TRPV1: variants seen among roughly 807,000 people sequenced by gnomAD.
TRPV1 encodes transient receptor potential cation channel subfamily V member 1.
Under a neutral mutation model 82.3 loss-of-function variants are expected in TRPV1, and 82 were observed. The observed-to-expected ratio is 1.00, with a 90% CI of 0.83 to 1.20. The LOEUF (loss-of-function observed/expected upper bound fraction) is 1.20. Ranked by LOEUF, TRPV1 falls within the 50% of genes most tolerant of loss-of-function variation. TRPV1 has a pLI of 0.00. For synonymous variants in TRPV1, 515 were observed against 467.7 expected (o/e 1.10, Z -1.30); for missense variants, 1,067 against 1,096.8 (o/e 0.97, Z 0.38).
rs2074771597 is a variant in TRPV1 at position 3,566,901 on chromosome 17, C to CCTCGGGCTGAGCAGACTGCCTAT, written c.2411_2433dup (p.Glu812IlefsTer19). The CCTCGGGCTGAGCAGACTGCCTAT allele has an allele frequency of 6.2e-7, 1 of 1,613,888 alleles. No homozygotes were observed. Among genetic ancestry groups the CCTCGGGCTGAGCAGACTGCCTAT allele is most frequent in the Admixed American group, 1.7e-5 (1 of 59,992 alleles). ...CCTGAAAACTGTCGCAGATAAACTT[C>CCTCGGGCTGAGCAGACTGCCTAT]CTCGGGCTGAGCAGACTGCCTATCT... On this transcript the variant is annotated frameshift_variant, in exon 17 of 17. Coordinates refer to ENST00000572705, the MANE Select transcript of TRPV1 (RefSeq NM_080704.4). LOFTEE classifies it high-confidence loss of function.
chr17:3,582,358 C>A (rs1031661809), intron 10 of TRPV1, among the ~76,000 whole-genome samples: 3 of 151,752 alleles, frequency 2.0e-5, no homozygotes, highest in Non-Finnish European at 2.9e-5. Context: ...GGTGACACAG[C>A]AAGACCCCAT....
In TRPV1 at chr17:3,592,072, A is replaced by C. The variant is rs2075165497; in HGVS notation, c.279T>G (p.Gly93=). ...GGCTCCAGACGCGGACTTACCTGGC[A>C]CCGGTGGGGCCGTCTCCTGGCCTCT... ...TIQRPGDGPT[G]ARLLSQDSVA... The change falls in exon 3 of 17, where the codon GGT becomes GGG. Residue 93 remains glycine (G), a synonymous_variant. Transcript: ENST00000572705. The C allele has an allele frequency of 1.9e-6, 3 of 1,610,750 alleles. No homozygotes were observed. The East Asian group carries it at 6.7e-5, about 36-fold the overall frequency.
At chr17:3,599,095 T>C (rs1267064244) in intron 2 of TRPV1, among the ~76,000 whole-genome samples, 4 of 151,422 alleles carry the variant, frequency 2.6e-5, no homozygotes, top group Non-Finnish European at 5.9e-5. Context: ...CAGAATTAGC[T>C]GGGCGTGGTT....
intron 2 of TRPV1, among the ~76,000 whole-genome samples, chr17:3,601,414 A>C (rs2075262287): frequency 6.7e-6 from 1 of 148,462 alleles, no homozygotes; most frequent in Non-Finnish European, 1.5e-5. Context: ...CTCCTCTCCC[A>C]CCGAAACCCA....
intron 16 of TRPV1, among the ~76,000 whole-genome samples, chr17:3,569,237 G>A (rs1334340124): frequency 6.6e-6 from 1 of 152,022 alleles, no homozygotes; most frequent in Non-Finnish European, 1.5e-5. Flanking sequence ...TGCACGTTGT[G>A]CACATGTACC....
chr17:3,590,954 C>T lies in TRPV1; in HGVS notation c.604+10G>A, dbSNP rs200862294. 6 of 1,591,546 alleles carry T rather than the reference C, an allele frequency of 3.8e-6. No individual in the cohort carries two copies. The highest frequency in any genetic ancestry group is 5.1e-6 in the Non-Finnish European group (6 of 1,170,146). On this transcript the variant is annotated intron_variant, in intron 5 of 16. Transcript: ENST00000572705. ...GGCTGAGCCATGCCCGGCCCCGCCGCCCTCCTCACCCTTGTAGTAGCTGTC... is the reference window on the plus strand; with the variant it reads ...GGCTGAGCCATGCCCGGCCCCGCCGTCCTCCTCACCCTTGTAGTAGCTGTC...
Position 3,573,551 on chromosome 17 carries a change from C to CCCCCCCCCCCCCCCTG in TRPV1, c.2103+81_2103+82insCAGGGGGGGGGGGGGG. 1.6e-5 allele frequency: 10 copies of CCCCCCCCCCCCCCCTG among 635,234 alleles called. 2 individuals are homozygous for CCCCCCCCCCCCCCCTG. In the South Asian group the frequency reaches 2.4e-4, roughly 15 times the overall value. 39.3% of individuals were successfully genotyped at this position (635,234 alleles called of 1,614,324 possible). On this transcript the variant is annotated intron_variant, in intron 14 of 16. Transcript: ENST00000572705. ...CACACCGCCCCCACCACCCACCCAC[C>CCCCCCCCCCCCCCCTG]TGCAGCCAGCTGTGTAAGACAGCAG...
intron 10 of TRPV1, among the ~76,000 whole-genome samples, chr17:3,580,780 G>A (rs2074998310): frequency 6.6e-6 from 1 of 152,198 alleles, no homozygotes; most frequent in Non-Finnish European, 1.5e-5. Flanking sequence ...ACTTTGGGAG[G>A]CCAAGGCGGG....
At chr17:3,569,977 G>A (rs900547422) in intron 16 of TRPV1, among the ~76,000 whole-genome samples, 7 of 136,616 alleles carry the variant, frequency 5.1e-5, no homozygotes, top group African/African-American at 2.0e-4. Context: ...CAGGGAGGAG[G>A]GGCCAAGCGG....
intron 13 of TRPV1, 118 bp downstream of exon 13, chr17:3,577,008 C>T (rs2074941232): frequency 5.9e-6 from 6 of 1,015,318 alleles, no homozygotes; most frequent in Non-Finnish European, 8.8e-6. Context: ...CCCTCTCAGT[C>T]ACCTGCAGAC....
chr17:3,580,963 G>A (rs2075001892), intron 10 of TRPV1, among the ~76,000 whole-genome samples: 1 of 150,412 alleles, frequency 6.6e-6, no homozygotes, highest in African/African-American at 2.5e-5. Context: ...AGGCTGCAGT[G>A]AGCCAAGATC....
At position 3,586,519 on chromosome 17, in the gene TRPV1, C is replaced by T. The variant is rs138875285; in HGVS notation, c.1225-593G>A. ...GGGTGTAGTGGCTCACGCCTGTAAT[C>T]CCAGCACTCTGGGAGGCCGAGGCAG... On this transcript the variant is annotated intron_variant, in intron 8 of 16. Coordinates refer to ENST00000572705, the MANE Select transcript of TRPV1 (RefSeq NM_080704.4). Among the ~76,000 whole-genome samples, 818 of 152,360 alleles carry T rather than the reference C, an allele frequency of 5.4e-3. 7 individuals carry two copies. The highest frequency in any genetic ancestry group is 0.031 in the South Asian group (149 of 4,828).
chr17:3,581,748 G>A (rs1245329737), intron 10 of TRPV1, among the ~76,000 whole-genome samples: 12 of 146,440 alleles, frequency 8.2e-5, no homozygotes, highest in Non-Finnish European at 1.1e-4. Context: ...AGCCGGGCGC[G>A]GTGGCACGCA....
intron 16 of TRPV1, among the ~76,000 whole-genome samples, chr17:3,569,694 G>A (rs1370997308): frequency 6.6e-6 from 1 of 152,178 alleles, no homozygotes; most frequent in Non-Finnish European, 1.5e-5. Flanking sequence ...AAGTCTTTGG[G>A]GCAGATGAGT....
intron 2 of TRPV1, among the ~76,000 whole-genome samples, chr17:3,597,672 C>CTTTTTTT (rs34662119): frequency 8.5e-6 from 1 of 117,894 alleles, no homozygotes; most frequent in African/African-American, 3.5e-5. Flanking sequence ...GTGTCATTTC[C>CTTTTTTT]TTTTTTTTTT....
chr17:3,599,605 T>C (rs2075246952), intron 2 of TRPV1, among the ~76,000 whole-genome samples: 1 of 151,600 alleles, frequency 6.6e-6, no homozygotes, highest in Non-Finnish European at 1.5e-5. Flanking sequence ...TGTAGTAGCC[T>C]GTAAGAGAAT....
At position 3,571,579 on chromosome 17, in the gene TRPV1, C is replaced by T. The variant is rs774003916; in HGVS notation, c.2292G>A (p.Pro764=). 23 of 1,612,462 alleles carry T rather than the reference C, an allele frequency of 1.4e-5. No individual in the cohort carries two copies. The highest frequency in any genetic ancestry group is 1.1e-4 in the East Asian group (5 of 44,852). The change falls in exon 16 of 17, where the codon CCG becomes CCA. Residue 764 remains proline (P), a synonymous_variant. Coordinates refer to ENST00000572705, the MANE Select transcript of TRPV1 (RefSeq NM_080704.4). The part of the protein sequence containing the change: ...NTNVGIINED[P]GNCEGVKRTL... ...TGCGCTTGACGCCCTCACAGTTGCC[C>T]GGGTCTTCGTTGATGATGCCCACGT...
At position 3,584,107 on chromosome 17, in the gene TRPV1, C is replaced by T. The variant is rs146091059; in HGVS notation, c.1384-677G>A. 8.6e-3 allele frequency among the ~76,000 whole-genome samples: 1,301 copies of T among 151,960 alleles called. 13 individuals carry two copies. Among genetic ancestry groups the T allele is most frequent in the African/African-American group, 0.029 (1,214 of 41,466 alleles). The stretch of plus-strand genomic sequence containing the variant: ...CCAACATGGAGAAACCCCATCTCTA[C>T]TAAAAATACAAAATTAGCCAGGCGT... On this transcript the variant is annotated intron_variant, in intron 9 of 16. Transcript: ENST00000572705.
At position 3,592,156 on chromosome 17, in the gene TRPV1, G is replaced by A. The variant is rs201702963; in HGVS notation, c.195C>T (p.His65=). The change falls in exon 3 of 17, where the codon CAC becomes CAT. Residue 65 remains histidine (H), a synonymous_variant. Coordinates refer to ENST00000572705, the MANE Select transcript of TRPV1 (RefSeq NM_080704.4). ...SEEAFPVDCP[H]EEGELDSCPT... ...GGCAGGAGTCCAGCTCACCTTCCTC[G>A]TGAGGGCAATCCACCGGGAAAGCCT... The A allele has an allele frequency of 1.2e-4, 191 of 1,613,692 alleles. 1 individual carries two copies. Among genetic ancestry groups the A allele is most frequent in the South Asian group, 1.1e-3 (100 of 91,050 alleles).
Sources: allele counts gnomAD v4.1 joint callset (sites outside exome capture counted in the v4.1 genomes callset), GRCh38; gene constraint gnomAD v4.1.1; transcripts MANE v1.5; gene names NCBI Gene and HGNC (gene_info 2026-07-23, HGNC 2026-07-21).